Variants in SAP130 observed in about 807,000 individuals in gnomAD.
SAP130 encodes the protein Sin3A associated protein 130, also known as histone deacetylase complex subunit SAP130.
In SAP130, 16 loss-of-function variants were observed where a neutral mutation model predicts 103.2. The observed-to-expected ratio is 0.16, with a 90% CI of 0.10 to 0.24. The LOEUF is 0.24. Among genes scored for constraint, SAP130 ranks in the 10% least tolerant of loss-of-function variants. SAP130 has a pLI of 1.00. For synonymous variants in SAP130, 477 were observed against 497.0 expected (o/e 0.96, Z 0.53); for missense variants, 990 against 1,359.7 (o/e 0.73, Z 4.28).
chr2:128,010,441 G>C, intron 6 of SAP130, 48 bp from the exon 7 acceptor site: 1 of 1,569,166 alleles, frequency 6.4e-7, no homozygotes, highest in Non-Finnish European at 8.7e-7. Context: ...ATAAAATAGA[G>C]GAAGTCAAAT....
At chr2:127,965,024 T>C (rs1372777464) in intron 15 of SAP130, among the ~76,000 whole-genome samples, 1 of 138,626 alleles carries the variant, frequency 7.2e-6, no homozygotes, top group African/African-American at 2.7e-5. Flanking sequence ...AGGCTGGGTG[T>C]GGTGGCTCAT....
At chr2:128,006,132 C>T (rs948459435) in intron 7 of SAP130, among the ~76,000 whole-genome samples, 5 of 147,786 alleles carry the variant, frequency 3.4e-5, no homozygotes, top group Non-Finnish European at 3.0e-5. Context: ...ATCTAGAAGA[C>T]GGGAAAAATT....
At position 128,016,714 on chromosome 2, in the gene SAP130, C is replaced by T. The variant is rs577752716; in HGVS notation, c.349-167G>A. 4.6e-5 allele frequency among the ~76,000 whole-genome samples: 7 copies of T among 152,318 alleles called. No homozygotes were observed. The East Asian group carries it at 7.7e-4, about 17-fold the overall frequency. On this transcript the variant is annotated intron_variant, in intron 3 of 20. Transcript: ENST00000643581. The stretch of plus-strand genomic sequence containing the variant: ...CACAGTGTTTCCACTGAAGTACTAG[C>T]ATTTCTATTTCACAGATAAAGAAAC...
chr2:127,983,202 A>G (rs1682083474), intron 14 of SAP130, among the ~76,000 whole-genome samples: 1 of 152,222 alleles, frequency 6.6e-6, no homozygotes, highest in Non-Finnish European at 1.5e-5. Flanking sequence ...CCTGCCCAAC[A>G]AGAAGGCCAT....
At chr2:127,948,395 G>A (rs370963149) in intron 18 of SAP130, among the ~76,000 whole-genome samples, 61 of 144,332 alleles carry the variant, frequency 4.2e-4, no homozygotes, top group Admixed American at 9.2e-4. Flanking sequence ...GTGTGGTAGC[G>A]GTGGTGCGAT....
chr2:127,941,907 T>G lies in SAP130; in HGVS notation c.*99A>C. 2.1e-6 allele frequency: 2 copies of G among 936,036 alleles called. No individual in the cohort carries two copies. The highest frequency in any genetic ancestry group is 3.3e-6 in the Non-Finnish European group (2 of 606,438). The allele number at this position is 936,036 out of a possible 1,614,324, so 58.0% of individuals were successfully genotyped here. A position where few individuals can be genotyped will look rare whatever the true frequency, so the allele number is the denominator to read the frequency against. Reference sequence around the variant, plus strand: ...CACACGGGAACTAAGGAACACTTCCTTTATTTCAATGTTCCACTTTGGAAA... The same window carrying G: ...CACACGGGAACTAAGGAACACTTCCGTTATTTCAATGTTCCACTTTGGAAA... On this transcript the variant is annotated 3_prime_UTR_variant, in exon 21 of 21. Transcript: ENST00000643581.
chr2:128,006,368 T>C (rs6430963), intron 7 of SAP130, among the ~76,000 whole-genome samples: 92,938 of 152,154 alleles, frequency 0.61, 30,878 homozygotes, highest in African/African-American at 0.89. Context: ...ATGTATTTAG[T>C]AGAAAAATTA....
rs529041581 is a variant in SAP130 at position 127,944,841 on chromosome 2, G to A, written c.2901+615C>T. Among the ~76,000 whole-genome samples the A allele has an allele frequency of 1.6e-4, 23 of 147,430 alleles. No individual in the cohort carries two copies. The East Asian group carries it at 4.0e-3, about 26-fold the overall frequency. ...TAAGCCCAGCAGGTTGATCATGGCT[G>A]TAGTAAGCCATGGTCGTGCCACTGC... On this transcript the variant is annotated intron_variant, in intron 19 of 20. Coordinates refer to ENST00000643581, the MANE Select transcript of SAP130 (RefSeq NM_001330301.2).
intron 18 of SAP130, among the ~76,000 whole-genome samples, chr2:127,947,187 T>C (rs1679147956): frequency 6.6e-6 from 1 of 152,094 alleles, no homozygotes; most frequent in African/African-American, 2.4e-5. Flanking sequence ...GATTCTCCTC[T>C]ACTGCTTTCA....
chr2:128,022,349 T>C (rs1685215492), intron 2 of SAP130, among the ~76,000 whole-genome samples: 1 of 152,250 alleles, frequency 6.6e-6, no homozygotes, highest in South Asian at 2.1e-4. Context: ...AATTTGCTTA[T>C]CCTGTCACCA....
At chr2:128,021,233 A>G (rs1350556742) in intron 2 of SAP130, among the ~76,000 whole-genome samples, 3 of 151,914 alleles carry the variant, frequency 2.0e-5, no homozygotes, top group Non-Finnish European at 2.9e-5. Flanking sequence ...CGGATCACAA[A>G]GTCAGGAGTT....
At chr2:128,020,650 T>C (rs1685087940) in intron 2 of SAP130, among the ~76,000 whole-genome samples, 1 of 152,208 alleles carries the variant, frequency 6.6e-6, no homozygotes, top group Non-Finnish European at 1.5e-5. Flanking sequence ...CCACTTCTAC[T>C]CAATATATAC....
intron 12 of SAP130, among the ~76,000 whole-genome samples, chr2:127,992,701 C>G (rs555855981): frequency 9.9e-5 from 15 of 152,246 alleles, no homozygotes; most frequent in African/African-American, 3.1e-4. Flanking sequence ...ACTATTCACA[C>G]GTCATCATGA....
intron 12 of SAP130, among the ~76,000 whole-genome samples, chr2:127,990,269 A>G (rs557824922): frequency 1.3e-5 from 2 of 152,306 alleles, no homozygotes; most frequent in South Asian, 4.1e-4. Context: ...TACAGTAGTT[A>G]TGAATTTCAA....
intron 15 of SAP130, among the ~76,000 whole-genome samples, chr2:127,970,960 T>G (rs1423647072): frequency 6.6e-6 from 1 of 151,756 alleles, no homozygotes; most frequent in Non-Finnish European, 1.5e-5. Flanking sequence ...TTTCTCTCTT[T>G]TTTTTTTTTA....
intron 15 of SAP130, among the ~76,000 whole-genome samples, chr2:127,961,767 T>C (rs1258048519): frequency 1.3e-5 from 2 of 152,168 alleles, no homozygotes; most frequent in Non-Finnish European, 2.9e-5. Context: ...CCACTTGCTG[T>C]CAGAGCCAGA....
chr2:127,943,434 T>C (rs1239039337), intron 19 of SAP130, among the ~76,000 whole-genome samples: 1 of 152,192 alleles, frequency 6.6e-6, no homozygotes, highest in African/African-American at 2.4e-5. Context: ...CTGAGAAATG[T>C]CTTTAGGAAA....
intron 15 of SAP130, among the ~76,000 whole-genome samples, chr2:127,977,659 G>GC (rs756647978): frequency 1.3e-5 from 2 of 152,178 alleles, no homozygotes; most frequent in Non-Finnish European, 2.9e-5. Context: ...AATGCGCAAT[G>GC]CCCACTTTAT....
intron 1 of SAP130, chr2:128,027,294 T>TTCCCCCGAACCTGCCCCTGCC: frequency 8.7e-7 from 1 of 1,153,372 alleles, no homozygotes; most frequent in Non-Finnish European, 1.1e-6. Context: ...CGCAGTCCTC[T>TTCCCCCGAACCTGCCCCTGCC]TCCCCCGAAC....
Sources: allele counts gnomAD v4.1 joint callset (sites outside exome capture counted in the v4.1 genomes callset), GRCh38; gene constraint gnomAD v4.1.1; transcripts MANE v1.5; gene names NCBI Gene and HGNC (gene_info 2026-07-23, HGNC 2026-07-21).